The following ANO2 variants were observed in gnomAD, a reference collection of about 807,000 sequenced individuals.
ANO2 encodes anoctamin-2.
A neutral mutation model predicts 124.2 loss-of-function variants in ANO2; 101 were observed. That is an observed-to-expected ratio of 0.81 (90% confidence interval 0.69 to 0.96). ANO2 has a LOEUF of 0.96. ANO2 is among the 40% of genes least tolerant of loss of function. ANO2 has a pLI of 0.00. For missense variants in ANO2, 1,293 were observed against 1,274.5 expected (o/e 1.01, Z -0.22); for synonymous variants, 486 against 482.5 (o/e 1.01, Z -0.09).
chr12:5,648,226 G>A (rs1946742625), intron 14 of ANO2, among the ~76,000 whole-genome samples: 2 of 152,196 alleles, frequency 1.3e-5, no homozygotes, highest in South Asian at 4.1e-4. Context: ...TAGTAAAGCA[G>A]TGGACAAATG....
At chr12:5,924,691 T>C (rs1941996080) in intron 1 of ANO2, among the ~76,000 whole-genome samples, 1 of 152,256 alleles carries the variant, frequency 6.6e-6, no homozygotes, top group East Asian at 1.9e-4. Flanking sequence ...AGCTACTCTA[T>C]ATTCACCTTG....
At chr12:5,679,177 A>T (rs995032830) in intron 14 of ANO2, among the ~76,000 whole-genome samples, 1 of 152,234 alleles carries the variant, frequency 6.6e-6, no homozygotes, top group Non-Finnish European at 1.5e-5. Flanking sequence ...CCCAAACTAT[A>T]AAAACCCTAA....
intron 21 of ANO2, 112 bp from the exon 22 acceptor site, chr12:5,578,119 G>A (rs955894123): frequency 1.5e-5 from 20 of 1,372,708 alleles, no homozygotes; most frequent in Non-Finnish European, 2.0e-5. Context: ...GCTTTGCTGG[G>A]CCCCCCCAGA....
At chr12:5,618,614 A>G (rs1342823934) in intron 16 of ANO2, among the ~76,000 whole-genome samples, 2 of 152,068 alleles carry the variant, frequency 1.3e-5, no homozygotes, top group Non-Finnish European at 2.9e-5. Context: ...ACTTTTTGCA[A>G]TCAGAATGTC....
chr12:5,867,778 G>GAAAAAAAAAAAAA (rs10622876), intron 3 of ANO2, among the ~76,000 whole-genome samples: 2 of 78,550 alleles, frequency 2.5e-5, no homozygotes, highest in African/African-American at 4.7e-5. Flanking sequence ...GCACTATAAT[G>GAAAAAAAAAAAAA]AAAAAAAAAA....
At position 5,904,721 on chromosome 12, in the gene ANO2, C is replaced by T. The variant is rs113808880; in HGVS notation, c.534+16319G>A. On this transcript the variant is annotated intron_variant, in intron 3 of 24. Coordinates refer to ENST00000682330, the MANE Select transcript of ANO2 (RefSeq NM_001364791.2). The surrounding 1 kb of genome is among the most constrained non-coding windows in gnomAD (Gnocchi z 4.1). ...CCTTGCTCCCCCTGGGAAGCCTTGC[C>T]ACCTCTCACCCCTGCCTGCTGGCTC... is the stretch of plus-strand genomic sequence containing the variant. 6.2e-3 allele frequency among the ~76,000 whole-genome samples: 950 copies of T among 152,280 alleles called. 16 individuals carry two copies. The highest frequency in any genetic ancestry group is 0.022 in the African/African-American group (907 of 41,546).
rs1320548119 is a variant in ANO2, at chr12:5,904,502, AT to A, written c.534+16537del. ...CGCAGGCCCACCATCACCTCTCCTGATGCCTGTAGCACGAATGAGCGGCGCA... is the reference window on the plus strand; with the variant it reads ...CGCAGGCCCACCATCACCTCTCCTGAGCCTGTAGCACGAATGAGCGGCGCA... On this transcript the variant is annotated intron_variant, in intron 3 of 24. Transcript: ENST00000682330. The surrounding 1 kb of genome is among the most constrained non-coding windows in gnomAD (Gnocchi z 4.1). Among the ~76,000 whole-genome samples, 1 of 152,160 alleles carries A rather than the reference AT, an allele frequency of 6.6e-6. No homozygotes were observed. The highest frequency in any genetic ancestry group is 2.4e-5 in the African/African-American group (1 of 41,442).
At chr12:5,722,727 T>C (rs975160207) in intron 14 of ANO2, among the ~76,000 whole-genome samples, 1 of 152,142 alleles carries the variant, frequency 6.6e-6, no homozygotes, top group East Asian at 1.9e-4. Flanking sequence ...TTCGTATGTG[T>C]GTGTGTGTGC....
chr12:5,905,816 C>G (rs1174141823), intron 3 of ANO2, among the ~76,000 whole-genome samples: 1 of 152,186 alleles, frequency 6.6e-6, no homozygotes, highest in Non-Finnish European at 1.5e-5. Context: ...CACCCCAGGG[C>G]TCAACCTCTT....
At chr12:5,643,853 C>T (rs1430242617) in intron 15 of ANO2, among the ~76,000 whole-genome samples, 1 of 152,078 alleles carries the variant, frequency 6.6e-6, no homozygotes, top group East Asian at 1.9e-4. Context: ...AGTACATATT[C>T]ATCTTTTTCC....
chr12:5,763,842 A>G (rs1951805111), intron 10 of ANO2, among the ~76,000 whole-genome samples: 1 of 152,214 alleles, frequency 6.6e-6, no homozygotes. Context: ...AGCATAAATC[A>G]ATGAAATTAA....
chr12:5,795,283 C>A (rs529709127), intron 10 of ANO2, among the ~76,000 whole-genome samples: 1 of 152,372 alleles, frequency 6.6e-6, no homozygotes, highest in Non-Finnish European at 1.5e-5. Flanking sequence ...CTCGTGGAAG[C>A]TGTTCCATAT....
rs368014188 is a variant in ANO2 at position 5,870,755 on chromosome 12, C to T, written c.535-16614G>A. 2.6e-4 allele frequency among the ~76,000 whole-genome samples: 39 copies of T among 152,298 alleles called. 1 individual carries two copies. The South Asian group carries it at 6.2e-3, about 24-fold the overall frequency. Reference sequence around the variant, plus strand: ...AAAGGTCCTACTCAGGATGAGGTACCTCCCTGCTGAAAGAGAAATGCAGCA... The same window carrying T: ...AAAGGTCCTACTCAGGATGAGGTACTTCCCTGCTGAAAGAGAAATGCAGCA... On this transcript the variant is annotated intron_variant, in intron 3 of 24. Coordinates refer to ENST00000682330, the MANE Select transcript of ANO2 (RefSeq NM_001364791.2).
At chr12:5,851,916 G>T in intron 4 of ANO2, 1 of 737,182 alleles carries the variant, frequency 1.4e-6, no homozygotes, top group East Asian at 2.5e-5. Context: ...GGTTACCCTG[G>T]GGGATGGAAA....
At chr12:5,937,729 G>A (rs2136323370) in intron 1 of ANO2, among the ~76,000 whole-genome samples, 1 of 152,172 alleles carries the variant, frequency 6.6e-6, no homozygotes. Context: ...TGTTGCCAGG[G>A]TATGCTGTGG....
intron 2 of ANO2, 144 bp downstream of exon 2, chr12:5,922,476 G>A (rs1029820335): frequency 2.1e-4 from 190 of 914,480 alleles, no homozygotes; most frequent in Admixed American, 5.3e-4. Flanking sequence ...AGACAGAGAA[G>A]AGAAAAGGCC....
chr12:5,720,167 G>C (rs1950168481), intron 14 of ANO2, among the ~76,000 whole-genome samples: 1 of 152,146 alleles, frequency 6.6e-6, no homozygotes, highest in South Asian at 2.1e-4. Context: ...GGAGAAGGAG[G>C]TTTTTGCAAC....
At chr12:5,887,167 A>C (rs1230641988) in intron 3 of ANO2, among the ~76,000 whole-genome samples, 3 of 152,218 alleles carry the variant, frequency 2.0e-5, no homozygotes, top group Non-Finnish European at 4.4e-5. Flanking sequence ...CATAATTAAA[A>C]CTTAGGCTAG....
intron 17 of ANO2, 88 bp downstream of exon 17, chr12:5,615,097 TG>T: frequency 1.0e-6 from 1 of 1,003,156 alleles, no homozygotes; most frequent in Non-Finnish European, 1.5e-6. Flanking sequence ...GAGTGGACAA[TG>T]GGGACAGGCT....
Sources: gnomAD v4.1 joint callset for allele counts (sites outside exome capture counted in the v4.1 genomes callset) on GRCh38, gnomAD v4.1.1 for gene constraint, Gnocchi (gnomAD v3.1) non-coding constraint, MANE v1.5 for transcripts, NCBI Gene and HGNC (gene_info 2026-07-23, HGNC 2026-07-21) for gene names.